The following TCF12 variants were observed in gnomAD, a reference collection of about 807,000 sequenced individuals.
The protein encoded by TCF12 is transcription factor 12, also known as DNA-binding protein HTF4.
Under a neutral mutation model 86.0 loss-of-function variants are expected in TCF12, and 45 were observed. That is an observed-to-expected ratio of 0.52 (90% CI 0.41 to 0.67). The LOEUF (loss-of-function observed/expected upper bound fraction) is 0.67. Among genes scored for constraint, TCF12 ranks in the 30% least tolerant of loss-of-function variants. The pLI is 0.00. For synonymous variants in TCF12, 330 were observed against 299.6 expected, an observed-to-expected ratio of 1.10 and a Z score of -1.05; for missense variants, 881 against 859.9, an observed-to-expected ratio of 1.02 and a Z score of -0.31.
At chr15:57,088,561 G>C (rs747417868) in intron 4 of TCF12, among the ~76,000 whole-genome samples, 1 of 149,650 alleles carries the variant, frequency 6.7e-6, no homozygotes, top group Non-Finnish European at 1.5e-5. Flanking sequence ...GGAAATTTCT[G>C]GTGTTTTAAT....
intron 4 of TCF12, among the ~76,000 whole-genome samples, chr15:57,080,014 T>C (rs908540382): frequency 3.3e-5 from 5 of 152,130 alleles, no homozygotes; most frequent in Non-Finnish European, 7.4e-5. Context: ...TCTTGAAAAA[T>C]AATTTAGATG....
intron 5 of TCF12, among the ~76,000 whole-genome samples, chr15:57,158,590 T>C (rs1338146218): frequency 6.6e-6 from 1 of 152,166 alleles, no homozygotes; most frequent in Non-Finnish European, 1.5e-5. Flanking sequence ...AATTATTGAT[T>C]GGGAAGCTGC....
intron 16 of TCF12, among the ~76,000 whole-genome samples, chr15:57,260,291 T>TA (rs1420880929): frequency 1.3e-5 from 2 of 152,146 alleles, no homozygotes; most frequent in Non-Finnish European, 2.9e-5. Context: ...AGTTGAGCTT[T>TA]AAAAAAATCA....
At chr15:57,262,387 C>T (rs571262286) in intron 17 of TCF12, among the ~76,000 whole-genome samples, 179 bp downstream of exon 17, 11 of 152,256 alleles carry the variant, frequency 7.2e-5, no homozygotes, top group African/African-American at 2.6e-4. Context: ...TTGACAATTA[C>T]AGATACTTAT....
chr15:57,003,514 G>A (rs1046020993), intron 3 of TCF12, among the ~76,000 whole-genome samples: 2 of 152,120 alleles, frequency 1.3e-5, no homozygotes, highest in African/African-American at 4.8e-5. Flanking sequence ...TGACTTGGGG[G>A]CCATGAAATA....
intron 3 of TCF12, among the ~76,000 whole-genome samples, chr15:56,970,841 G>A (rs1262728638): frequency 1.3e-5 from 2 of 151,954 alleles, no homozygotes; most frequent in Non-Finnish European, 2.9e-5. Flanking sequence ...CTTGAGCCCA[G>A]GAATTTGAGA....
chr15:56,967,970 T>G (rs113952250), intron 3 of TCF12, among the ~76,000 whole-genome samples: 45 of 151,904 alleles, frequency 3.0e-4, no homozygotes, highest in Non-Finnish European at 4.3e-4. Flanking sequence ...TTGTTTGTTT[T>G]TTTGAGGCAG....
chr15:57,212,565 A>G (rs377351434), intron 8 of TCF12, among the ~76,000 whole-genome samples: 99 of 152,270 alleles, frequency 6.5e-4, no homozygotes, highest in African/African-American at 2.2e-3. Context: ...GGCATGAGCC[A>G]CCATACCCTG....
chr15:57,136,051 A>G (rs566060124), intron 5 of TCF12, among the ~76,000 whole-genome samples: 1 of 152,152 alleles, frequency 6.6e-6, no homozygotes, highest in Non-Finnish European at 1.5e-5. Flanking sequence ...TAGGTGGAAT[A>G]TAGAGCTTAT....
intron 8 of TCF12, among the ~76,000 whole-genome samples, chr15:57,201,606 C>T (rs1388584560): frequency 6.6e-6 from 1 of 152,026 alleles, no homozygotes. Flanking sequence ...CACATAAAAT[C>T]AGTACAGATA....
chr15:57,076,553 TG>T (rs1367247581), intron 4 of TCF12, among the ~76,000 whole-genome samples: 1 of 150,222 alleles, frequency 6.7e-6, no homozygotes, highest in African/African-American at 2.5e-5. Context: ...CTGGGGAGGC[TG>T]AGGCAGGAGA....
At position 57,287,111 on chromosome 15, in the gene TCF12, C is replaced by T. The variant is rs1348909318; in HGVS notation, c.*966C>T. ...AGGGAAGAATCTACTTTTTAGAAAT[C>T]GCTTTGTTTTCCAAGCAGTAAGTAC... On this transcript the variant is annotated 3_prime_UTR_variant, in exon 21 of 21. Transcript: ENST00000333725. The T allele has an allele frequency of 4.3e-4, 70 of 163,184 alleles. 1 individual carries two copies. The highest frequency in any genetic ancestry group is 3.7e-3 in the Admixed American group (65 of 17,454). The allele number at this position is 163,184 out of a possible 1,614,324, so 10.1% of individuals were successfully genotyped here.
chr15:57,199,734 C>T (rs1210163773), intron 8 of TCF12, among the ~76,000 whole-genome samples: 1 of 152,162 alleles, frequency 6.6e-6, no homozygotes, highest in African/African-American at 2.4e-5. Context: ...GGAAATTTTG[C>T]AGGCCAAGCC....
chr15:57,149,775 CTTTG>C (rs770604082), intron 5 of TCF12, among the ~76,000 whole-genome samples: 19 of 152,048 alleles, frequency 1.2e-4, no homozygotes, highest in Non-Finnish European at 2.8e-4. Flanking sequence ...TCTAAGCAGT[CTTTG>C]TTTGTTGGAA....
At chr15:57,276,634 C>G (rs554139206) in intron 19 of TCF12, among the ~76,000 whole-genome samples, 4 of 151,994 alleles carry the variant, frequency 2.6e-5, no homozygotes, top group Admixed American at 2.6e-4. Context: ...AAAAAATATT[C>G]TAAAGCTTCT....
intron 3 of TCF12, among the ~76,000 whole-genome samples, chr15:57,061,963 T>G (rs1229952302): frequency 6.6e-6 from 1 of 151,972 alleles, no homozygotes; most frequent in Admixed American, 6.6e-5. Context: ...AGTGTTTTTT[T>G]TTTGTTTTTT....
intron 3 of TCF12, among the ~76,000 whole-genome samples, chr15:56,952,629 C>T (rs1357390111): frequency 3.9e-5 from 6 of 152,018 alleles, no homozygotes. Flanking sequence ...CTGTTTCATA[C>T]TTGATACTGT....
intron 5 of TCF12, among the ~76,000 whole-genome samples, chr15:57,138,386 T>C (rs574604359): frequency 7.2e-5 from 11 of 152,316 alleles, no homozygotes; most frequent in African/African-American, 2.6e-4. Context: ...CTTAAAGCCT[T>C]CTTCTCTTAC....
intron 3 of TCF12, among the ~76,000 whole-genome samples, chr15:57,007,677 T>C (rs1596081264): frequency 6.6e-6 from 1 of 152,164 alleles, no homozygotes. Context: ...AACTGACTAA[T>C]ATGATAAGTC....
Sources: allele counts gnomAD v4.1 joint callset (sites outside exome capture counted in the v4.1 genomes callset), GRCh38; gene constraint gnomAD v4.1.1; transcripts MANE v1.5; gene names NCBI Gene and HGNC (gene_info 2026-07-23, HGNC 2026-07-21).